SH3BP4: variants seen among roughly 807,000 people sequenced by gnomAD.
SH3BP4 encodes SH3 domain binding protein 4.
In SH3BP4, 33 loss-of-function variants were observed where a neutral mutation model predicts 65.5. That is an observed-to-expected ratio of 0.50 (90% CI 0.38 to 0.67). SH3BP4 has a LOEUF of 0.67. SH3BP4 is among the 30% of genes least tolerant of loss of function. The probability of loss-of-function intolerance (pLI) is 0.00; values close to 1 mark genes in which losing one functional copy is unlikely to be tolerated. For missense variants in SH3BP4, 1,134 were observed against 1,261.4 expected (o/e 0.90, Z 1.53); for synonymous variants, 552 against 545.5 (o/e 1.01, Z -0.17).
chr2:235,050,965 G>A (rs1398692963), intron 4 of SH3BP4, among the ~76,000 whole-genome samples: 3 of 152,134 alleles, frequency 2.0e-5, no homozygotes, highest in African/African-American at 4.8e-5. Context: ...TTAGCAACTC[G>A]CCTGTCCAGG....
In SH3BP4 at chr2:235,042,510, C is replaced by T. The variant is rs1695699882; in HGVS notation, c.1741C>T (p.Pro581Ser). The change falls in exon 4 of 6, where the codon CCC becomes TCC. Residue 581 changes from proline (P) to serine (S), a missense_variant. Physicochemically the swap from Pro to Ser is moderately conservative, Grantham distance 74. Transcript: ENST00000392011. The surrounding 1 kb of genome is among the most constrained non-coding windows in gnomAD (Gnocchi z 7.3). ...RLIFPITSQN[P>S]NELSDFTLRV... ...GATCTTCCCCATCACCTCCCAGAAC[C>T]CCAACGAGCTCTCTGACTTCACGCT... is the stretch of plus-strand genomic sequence containing the variant. The T allele has an allele frequency of 4.3e-6, 7 of 1,614,060 alleles. 1 individual carries two copies. Among genetic ancestry groups the T allele is most frequent in the Admixed American group, 1.7e-5 (1 of 60,000 alleles).
chr2:235,040,631 T>C (rs1695601677), intron 3 of SH3BP4, among the ~76,000 whole-genome samples: 1 of 151,960 alleles, frequency 6.6e-6, no homozygotes. Flanking sequence ...TTTGCCTTTC[T>C]GTGAGTGATG....
At chr2:234,998,803 G>A (rs1694008687) in intron 2 of SH3BP4, among the ~76,000 whole-genome samples, 1 of 152,206 alleles carries the variant, frequency 6.6e-6, no homozygotes, top group Non-Finnish European at 1.5e-5. Flanking sequence ...TTCGATCTGT[G>A]ACAGAGATCC....
Position 235,035,055 on chromosome 2 carries a change from A to T in SH3BP4, c.53A>T (p.Lys18Met). The T allele has an allele frequency of 6.2e-7, 1 of 1,614,182 alleles. No individual in the cohort carries two copies. Among genetic ancestry groups the T allele is most frequent in the Non-Finnish European group, 8.5e-7 (1 of 1,180,030 alleles). ...AACTCCAATGGCCTCCCTCGCTGCA[A>T]GTCAGAGGGGACCCTGATTGACCTG... is the stretch of plus-strand genomic sequence containing the variant. ...AANSNGLPRC[K>M]SEGTLIDLSE... Residue 18 changes from lysine to methionine, a missense_variant, in exon 3 of 6, where the codon AAG becomes ATG. Transcript: ENST00000392011. The surrounding 1 kb of genome is among the most constrained non-coding windows in gnomAD (Gnocchi z 5.0).
chr2:235,021,143 A>G (rs960099424), intron 2 of SH3BP4, among the ~76,000 whole-genome samples: 3 of 152,168 alleles, frequency 2.0e-5, no homozygotes, highest in Admixed American at 2.0e-4. Flanking sequence ...TCTCTGCCCT[A>G]CACTGCTCTG....
intron 2 of SH3BP4, among the ~76,000 whole-genome samples, chr2:235,013,502 C>T (rs9287582): frequency 0.32 from 48,491 of 152,062 alleles, 12,443 homozygotes; most frequent in African/African-American, 0.7. Context: ...GGGATGGGCA[C>T]TCATTTGCAT....
intron 1 of SH3BP4, among the ~76,000 whole-genome samples, chr2:234,966,152 G>A (rs146143709): frequency 0.1 from 15,152 of 152,206 alleles, 881 homozygotes; most frequent in Admixed American, 0.15. Context: ...GCCGAGGCAG[G>A]TGGATCACTT....
chr2:235,053,755 C>T lies in SH3BP4; in HGVS notation c.2831C>T (p.Ser944Phe), dbSNP rs866404069. Reference protein sequence around the residue: ...HLTGTLILVNSLDVLRAAAFS... With the variant: ...HLTGTLILVNFLDVLRAAAFS... ...ACTGGGACTCTGATCTTGGTGAACTCCCTGGACGTTCTGAGAGCAGCCGCC... is the reference window on the plus strand; with the variant it reads ...ACTGGGACTCTGATCTTGGTGAACTTCCTGGACGTTCTGAGAGCAGCCGCC... The change falls in exon 6 of 6, where the codon TCC becomes TTC. Residue 944 changes from serine (S) to phenylalanine (F), a missense_variant. Physicochemically the swap from Ser to Phe is radical, Grantham distance 155. Transcript: ENST00000392011. The T allele has an allele frequency of 6.2e-7, 1 of 1,614,232 alleles. No individual in the cohort carries two copies. The highest frequency in any genetic ancestry group is 8.5e-7 in the Non-Finnish European group (1 of 1,180,040).
intron 3 of SH3BP4, among the ~76,000 whole-genome samples, chr2:235,037,026 C>T (rs1425680153): frequency 6.6e-6 from 1 of 152,118 alleles, no homozygotes; most frequent in East Asian, 1.9e-4. Context: ...AGACAGACTT[C>T]AAGGTGGGAA....
In SH3BP4 at chr2:235,055,420, T is replaced by TC; in HGVS notation, c.*1605dup. On this transcript the variant is annotated 3_prime_UTR_variant, in exon 6 of 6. Coordinates refer to ENST00000392011, the MANE Select transcript of SH3BP4 (RefSeq NM_014521.3). ...TGCTGCAAGAACCAGGACACACAAT[T>TC]CGCCAATCATCCCACCATATAACCT... 1 of 152,704 alleles carries TC rather than the reference T, an allele frequency of 6.5e-6. No homozygotes were observed. Among genetic ancestry groups the TC allele is most frequent in the East Asian group, 1.9e-4 (1 of 5,176 alleles). The allele number at this position is 152,704 out of a possible 1,614,324, so 9.5% of individuals were successfully genotyped here.
At position 235,041,003 on chromosome 2, in the gene SH3BP4, G is replaced by C; in HGVS notation, c.234G>C (p.Lys78Asn). The change falls in exon 4 of 6, where the codon AAG becomes AAC. Residue 78 changes from lysine to asparagine, a missense_variant. Lys to Asn is a moderately conservative substitution (Grantham distance 94). Coordinates refer to ENST00000392011, the MANE Select transcript of SH3BP4 (RefSeq NM_014521.3). This position sits in a 1 kb window ranked among gnomAD's most constrained non-coding sequence, Gnocchi z 6.0. ...ACTTCACCACACTGAAGTTCTCCAA[G>C]GGCGACCATCTCTACGTCTTGGACA... ...PTNFTTLKFS[K>N]GDHLYVLDTS... 1 of 1,614,136 alleles carries C rather than the reference G, an allele frequency of 6.2e-7. No homozygotes were observed. The highest frequency in any genetic ancestry group is 1.1e-5 in the South Asian group (1 of 91,078).
At chr2:234,983,180 G>T (rs1241399717) in intron 1 of SH3BP4, 1 of 152,234 alleles carries the variant, frequency 6.6e-6, no homozygotes, top group East Asian at 1.9e-4. Context: ...GAAACACCCG[G>T]GTGCCAATTA....
chr2:235,034,908 G>A lies in SH3BP4; in HGVS notation c.-95G>A, dbSNP rs566538339. 148 of 1,035,854 alleles carry A rather than the reference G, an allele frequency of 1.4e-4. No individual in the cohort carries two copies. Among genetic ancestry groups the A allele is most frequent in the South Asian group, 3.3e-4 (25 of 76,154 alleles). 64.2% of individuals were successfully genotyped at this position (1,035,854 alleles called of 1,614,324 possible). On this transcript the variant is annotated 5_prime_UTR_variant, in exon 3 of 6. In the 5' UTR this introduces an upstream ATG that the reference lacks. Transcript: ENST00000392011. This position sits in a 1 kb window ranked among gnomAD's most constrained non-coding sequence, Gnocchi z 6.2. ...TGCCGAGTGGATGCCGCCGCGCAGC[G>A]TGTTTGCTTGAGGCAGAAGCTTCAG... is the stretch of plus-strand genomic sequence containing the variant.
In SH3BP4 at chr2:234,976,350, C is replaced by G. The variant is rs1349787251; in HGVS notation, c.-206-18953C>G. Reference sequence around the variant, plus strand: ...ACCTTTATTTATTTATTCATTCAGTCACTTAGATTTTAAACTTGTGTTGAC... The same window carrying G: ...ACCTTTATTTATTTATTCATTCAGTGACTTAGATTTTAAACTTGTGTTGAC... On this transcript the variant is annotated intron_variant, in intron 1 of 5. Coordinates refer to ENST00000392011, the MANE Select transcript of SH3BP4 (RefSeq NM_014521.3). The surrounding 1 kb of genome is among the most constrained non-coding windows in gnomAD (Gnocchi z 4.7). 6.6e-6 allele frequency among the ~76,000 whole-genome samples: 1 copy of G among 152,150 alleles called. No individual in the cohort carries two copies. Among genetic ancestry groups the G allele is most frequent in the African/African-American group, 2.4e-5 (1 of 41,430 alleles).
intron 2 of SH3BP4, among the ~76,000 whole-genome samples, chr2:235,017,217 A>G (rs913921402): frequency 3.3e-5 from 5 of 151,800 alleles, no homozygotes; most frequent in African/African-American, 1.2e-4. Context: ...TAGGAGGCCA[A>G]GGTGGGTGGA....
chr2:234,979,459 C>T (rs1380511421), intron 1 of SH3BP4: 1 of 152,196 alleles, frequency 6.6e-6, no homozygotes, highest in East Asian at 1.9e-4. Context: ...TGGAATCATG[C>T]AGTATCTTTT....
chr2:234,994,826 T>C (rs2106274417), intron 1 of SH3BP4: 1 of 152,396 alleles, frequency 6.6e-6, no homozygotes, highest in South Asian at 2.1e-4. Flanking sequence ...GCAGGACGTT[T>C]AGGTTTGCTG....
rs1003193218 is a variant in SH3BP4 at position 234,977,752 on chromosome 2, C to T, written c.-206-17551C>T. Among the ~76,000 whole-genome samples, 3 of 152,234 alleles carry T rather than the reference C, an allele frequency of 2.0e-5. No homozygotes were observed. The highest frequency in any genetic ancestry group is 1.9e-4 in the East Asian group (1 of 5,164). On this transcript the variant is annotated intron_variant, in intron 1 of 5. Transcript: ENST00000392011. The surrounding 1 kb of genome is among the most constrained non-coding windows in gnomAD (Gnocchi z 5.1). ...TTTTTTTGCTTATGCAGTTAGTGCA[C>T]AGAGTGAGCCCTGCGCTGGGAAAGA...
At chr2:235,014,602 G>A (rs1223575587) in intron 2 of SH3BP4, among the ~76,000 whole-genome samples, 1 of 152,152 alleles carries the variant, frequency 6.6e-6, no homozygotes, top group East Asian at 1.9e-4. Context: ...TCCTCCCGAG[G>A]CTGTGAGGGA....
Sources: allele counts gnomAD v4.1 joint callset (sites outside exome capture counted in the v4.1 genomes callset), GRCh38; gene constraint gnomAD v4.1.1; non-coding constraint Gnocchi (gnomAD v3.1); transcripts MANE v1.5; gene names NCBI Gene and HGNC (gene_info 2026-07-23, HGNC 2026-07-21).